OPCML: variants seen among roughly 807,000 people sequenced by gnomAD.
The protein encoded by OPCML is opioid-binding protein/cell adhesion molecule.
OPCML carries 13 observed loss-of-function variants against 37.8 expected under a neutral mutation model. The observed-to-expected ratio is 0.34, with a 90% CI of 0.22 to 0.55. OPCML has a LOEUF of 0.55. Ranked by LOEUF, OPCML falls within the 20% of genes least tolerant of loss-of-function variation. OPCML has a pLI of 0.91. For synonymous variants in OPCML, 176 were observed against 168.8 expected, an observed-to-expected ratio of 1.04 and a Z score of -0.33; for missense variants, 341 against 435.6, an observed-to-expected ratio of 0.78 and a Z score of 1.93.
intron 1 of OPCML, among the ~76,000 whole-genome samples, chr11:132,976,893 G>A (rs1021528013): frequency 2.6e-5 from 4 of 152,186 alleles, no homozygotes; most frequent in Non-Finnish European, 4.4e-5. Context: ...AAAGAGATTA[G>A]AGAAGGGGCA....
intron 3 of OPCML, among the ~76,000 whole-genome samples, chr11:132,634,331 T>C (rs1424164488): frequency 1.3e-5 from 2 of 152,192 alleles, no homozygotes; most frequent in East Asian, 3.9e-4. Flanking sequence ...ATGTCTGCCA[T>C]GATTACACCT....
intron 1 of OPCML, among the ~76,000 whole-genome samples, chr11:133,178,794 T>A (rs1268695855): frequency 6.6e-6 from 1 of 152,188 alleles, no homozygotes; most frequent in Non-Finnish European, 1.5e-5. Context: ...GGGAGTTTAA[T>A]AAACATAATT....
chr11:132,484,068 G>A (rs2096190842), intron 4 of OPCML, among the ~76,000 whole-genome samples: 1 of 152,104 alleles, frequency 6.6e-6, no homozygotes, highest in African/African-American at 2.4e-5. Context: ...TTGACAAATG[G>A]GACCTAATTA....
rs566858889 is a variant in OPCML, at chr11:132,983,641, G to A, written c.62-40631C>T. Among the ~76,000 whole-genome samples the A allele has an allele frequency of 8.5e-5, 13 of 152,278 alleles. No individual in the cohort carries two copies. The South Asian group carries it at 1.9e-3, about 22-fold the overall frequency. ...CCCCAAACATAATGGAGTAGCTCAA[G>A]CACTTTGAGAGCAAGGCTGATGTCT... On this transcript the variant is annotated intron_variant, in intron 1 of 7. Transcript: ENST00000524381.
chr11:133,281,434 A>C (rs1036648238), intron 1 of OPCML, among the ~76,000 whole-genome samples: 5 of 152,020 alleles, frequency 3.3e-5, no homozygotes, highest in Non-Finnish European at 7.4e-5. Context: ...GGTCCCTGTC[A>C]CCTTCTGCCA....
chr11:132,719,049 A>T (rs1207504099), intron 2 of OPCML, among the ~76,000 whole-genome samples: 1 of 152,140 alleles, frequency 6.6e-6, no homozygotes, highest in Non-Finnish European at 1.5e-5. Flanking sequence ...GCTGACCCCA[A>T]AATACGATGC....
At chr11:132,753,182 C>A (rs974472516) in intron 2 of OPCML, among the ~76,000 whole-genome samples, 1 of 152,144 alleles carries the variant, frequency 6.6e-6, no homozygotes, top group African/African-American at 2.4e-5. Context: ...AGAGGCCATA[C>A]TCCTTCCTGG....
At chr11:133,024,890 T>G (rs1947521911) in intron 1 of OPCML, 2 of 985,308 alleles carry the variant, frequency 2.0e-6, no homozygotes, top group Non-Finnish European at 1.2e-6. Flanking sequence ...CAAAATAGAG[T>G]GCATAAAGAT....
At chr11:132,656,919 G>T (rs768261959) in intron 3 of OPCML, among the ~76,000 whole-genome samples, 168 bp downstream of exon 3, 1 of 152,184 alleles carries the variant, frequency 6.6e-6, no homozygotes, top group African/African-American at 2.4e-5. Context: ...TCAGCACTTA[G>T]TTAAGTACCC....
chr11:132,664,437 T>A (rs1387176201), intron 2 of OPCML, among the ~76,000 whole-genome samples: 1 of 152,242 alleles, frequency 6.6e-6, no homozygotes, highest in African/African-American at 2.4e-5. Context: ...TTCCCCCATA[T>A]TATCTTGTAA....
chr11:133,278,742 A>T (rs533781543), intron 1 of OPCML, among the ~76,000 whole-genome samples: 1 of 138,078 alleles, frequency 7.2e-6, no homozygotes, highest in South Asian at 2.1e-4. Flanking sequence ...TTGTTTGATT[A>T]AAAAAAAAAT....
At chr11:133,402,237 G>C (rs2136840958) in intron 1 of OPCML, among the ~76,000 whole-genome samples, 1 of 150,590 alleles carries the variant, frequency 6.6e-6, no homozygotes, top group East Asian at 2.0e-4. Context: ...AGAGTTTCCT[G>C]AACCTGATTT....
chr11:132,556,887 A>T (rs550544510), intron 3 of OPCML, among the ~76,000 whole-genome samples: 78 of 152,190 alleles, frequency 5.1e-4, no homozygotes, highest in African/African-American at 1.5e-3. Context: ...ATTAAACTCC[A>T]CTTTGTCTTC....
At chr11:132,910,740 T>C (rs1944401675) in intron 2 of OPCML, among the ~76,000 whole-genome samples, 1 of 152,196 alleles carries the variant, frequency 6.6e-6, no homozygotes, top group Non-Finnish European at 1.5e-5. Flanking sequence ...ACATAGAAGA[T>C]AAAGCTCATT....
At chr11:132,523,522 T>C (rs2096299742) in intron 4 of OPCML, among the ~76,000 whole-genome samples, 1 of 152,096 alleles carries the variant, frequency 6.6e-6, no homozygotes, top group Non-Finnish European at 1.5e-5. Context: ...TAGAAGCAGA[T>C]CAGAAGAAAT....
At chr11:133,438,333 G>A (rs2136932071) in intron 1 of OPCML, among the ~76,000 whole-genome samples, 1 of 151,992 alleles carries the variant, frequency 6.6e-6, no homozygotes, top group African/African-American at 2.4e-5. Context: ...ACAAGGGAGG[G>A]AATATAATGG....
intron 1 of OPCML, among the ~76,000 whole-genome samples, chr11:133,522,173 T>A (rs902798506): frequency 9.9e-5 from 15 of 152,232 alleles, no homozygotes; most frequent in African/African-American, 3.1e-4. Context: ...AAGCCACCAT[T>A]TAACATGAAT....
At chr11:132,894,129 C>T (rs1943749953) in intron 2 of OPCML, among the ~76,000 whole-genome samples, 2 of 152,198 alleles carry the variant, frequency 1.3e-5, no homozygotes, top group South Asian at 4.1e-4. Flanking sequence ...TCAGTCTACT[C>T]ATTTAAGTCT....
At chr11:133,348,691 G>T (rs997031056) in intron 1 of OPCML, among the ~76,000 whole-genome samples, 2 of 152,132 alleles carry the variant, frequency 1.3e-5, no homozygotes, top group Admixed American at 1.3e-4. Flanking sequence ...GGTGATCTAC[G>T]TGTACATCCA....
Sources: allele counts gnomAD v4.1 joint callset (sites outside exome capture counted in the v4.1 genomes callset), GRCh38; gene constraint gnomAD v4.1.1; transcripts MANE v1.5; gene names NCBI Gene and HGNC (gene_info 2026-07-23, HGNC 2026-07-21).